The following RGS5 variants were observed in gnomAD, a reference collection of about 807,000 sequenced individuals.
The protein encoded by RGS5 is regulator of G protein signaling 5, also known as regulator of G-protein signalling 5.
Under a neutral mutation model 18.9 loss-of-function variants are expected in RGS5, and 20 were observed. That is an observed-to-expected ratio of 1.06 (90% CI 0.74 to 1.54). The LOEUF is 1.54. RGS5 is among the 40% of genes most tolerant of loss of function. The pLI is 0.00. For missense variants in RGS5, 201 were observed against 211.8 expected (o/e 0.95, Z 0.32); for synonymous variants, 57 against 76.2 (o/e 0.75, Z 1.31).
intron 2 of RGS5, chr1:163,244,731 G>C (rs1027211255): frequency 6.6e-6 from 1 of 152,140 alleles, no homozygotes; most frequent in Non-Finnish European, 1.5e-5. Context: ...CATGAAAGAA[G>C]GAAGACTTGT....
At chr1:163,197,887 T>A (rs1659629107) in intron 1 of RGS5, among the ~76,000 whole-genome samples, 2 of 152,170 alleles carry the variant, frequency 1.3e-5, no homozygotes, top group Admixed American at 1.3e-4. Flanking sequence ...TTGTTCAAGC[T>A]AATTGCCAGT....
chr1:163,285,578 T>C (rs1649122321), intron 2 of RGS5, among the ~76,000 whole-genome samples: 1 of 151,714 alleles, frequency 6.6e-6, no homozygotes, highest in Admixed American at 6.6e-5. Flanking sequence ...CAACAACAAA[T>C]ATATATATAA....
chr1:163,314,545 AAACAAC>A (rs555810232), intron 1 of RGS5, among the ~76,000 whole-genome samples: 26 of 151,730 alleles, frequency 1.7e-4, no homozygotes, highest in Admixed American at 9.2e-4. Context: ...CAACAAAACA[AAACAAC>A]AACAACAACA....
At position 163,225,923 on chromosome 1, in the gene RGS5, A is replaced by AT. The variant is rs113155202; in HGVS notation, c.-280-57556dup. On this transcript the variant is annotated intron_variant, in intron 2 of 5. Coordinates refer to the RGS5 transcript ENST00000618415. ...AGTTAGGAGGTCAAAATCACAAGTA[A>AT]TTTTTTTTTTTTTTGAGACAGAATT... Among the ~76,000 whole-genome samples, 744 of 147,934 alleles carry AT rather than the reference A, an allele frequency of 5.0e-3. 13 individuals are homozygous for AT. Among genetic ancestry groups the AT allele is most frequent in the Admixed American group, 0.045 (664 of 14,872 alleles).
At chr1:163,240,810 C>A (rs1647771441) in intron 2 of RGS5, among the ~76,000 whole-genome samples, 1 of 152,184 alleles carries the variant, frequency 6.6e-6, no homozygotes, top group South Asian at 2.1e-4. Context: ...AGCCACTGCA[C>A]CAGGCCAAAA....
At chr1:163,204,399 G>A (rs1416420618), upstream of RGS5, among the ~76,000 whole-genome samples, 1 of 151,942 alleles carries the variant, frequency 6.6e-6, no homozygotes, top group Non-Finnish European at 1.5e-5. Context: ...CCAGAGACTG[G>A]AGTGAAGTGG....
In RGS5 at chr1:163,217,545, CTG is replaced by C; in HGVS notation, c.48_49del (p.His16GlnfsTer11). 6.5e-7 allele frequency: 1 copy of C among 1,545,446 alleles called. No homozygotes were observed. The highest frequency in any genetic ancestry group is 8.7e-7 in the Non-Finnish European group (1 of 1,145,574). ...ACATACATTGATATGCCAATGAGCA[CTG>C]TGCATCTGTAAGATGAGAATATCCT... On this transcript the variant is annotated frameshift_variant, in exon 1 of 6. Transcript: ENST00000367903. LOFTEE classifies it high-confidence loss of function.
intron 1 of RGS5, among the ~76,000 whole-genome samples, chr1:163,216,982 A>C (rs1660232893): frequency 6.6e-6 from 1 of 152,180 alleles, no homozygotes; most frequent in African/African-American, 2.4e-5. Flanking sequence ...CTAATGCAGA[A>C]ACAGAAAACC....
intron 1 of RGS5, among the ~76,000 whole-genome samples, chr1:163,172,745 T>C (rs1432336509): frequency 9.9e-5 from 15 of 152,176 alleles, no homozygotes; most frequent in Non-Finnish European, 7.3e-5. Flanking sequence ...TAGGAGTTCA[T>C]TGTTCAGGGA....
chr1:163,289,897 TAGGTAAGCA>T (rs1440129210), intron 2 of RGS5, among the ~76,000 whole-genome samples: 1 of 152,072 alleles, frequency 6.6e-6, no homozygotes, highest in Non-Finnish European at 1.5e-5. Context: ...GCTGCAAGCA[TAGGTAAGCA>T]AGCTAAAAGC....
intron 2 of RGS5, among the ~76,000 whole-genome samples, chr1:163,276,706 C>T (rs1223536413): frequency 6.6e-6 from 1 of 152,126 alleles, no homozygotes; most frequent in Non-Finnish European, 1.5e-5. Flanking sequence ...CGTAAGCATC[C>T]CAACAAGGGA....
At chr1:163,264,409 C>T (rs1648526498) in intron 2 of RGS5, among the ~76,000 whole-genome samples, 1 of 152,102 alleles carries the variant, frequency 6.6e-6, no homozygotes, top group Non-Finnish European at 1.5e-5. Flanking sequence ...TAAGTGAAAT[C>T]ATATCTGTGA....
rs1657048247 is a variant in RGS5 at position 163,144,404 on chromosome 1, G to A, written c.*2938C>T. 1.3e-5 allele frequency: 2 copies of A among 152,122 alleles called. No individual in the cohort carries two copies. The highest frequency in any genetic ancestry group is 2.9e-5 in the Non-Finnish European group (2 of 68,006). The allele number at this position is 152,122 out of a possible 1,614,324, so 9.4% of individuals were successfully genotyped here. ...CCCTAAACTATATCAAACCCAGGCA[G>A]AAAAACTGAAGTTACAGGCAACTAC... On this transcript the variant is annotated 3_prime_UTR_variant, in exon 5 of 5. Coordinates refer to ENST00000313961, the MANE Select transcript of RGS5 (RefSeq NM_003617.4).
intron 1 of RGS5, among the ~76,000 whole-genome samples, chr1:163,208,867 G>A (rs1660030179): frequency 1.3e-5 from 2 of 151,872 alleles, no homozygotes; most frequent in South Asian, 2.1e-4. Flanking sequence ...CTCATTCTTA[G>A]TACAAGAAAG....
At chr1:163,205,478 T>C (rs1018943891), upstream of RGS5, among the ~76,000 whole-genome samples, 56 of 151,724 alleles carry the variant, frequency 3.7e-4, no homozygotes, top group African/African-American at 1.3e-3. Flanking sequence ...AGTAAATATA[T>C]GAAAAAGGTA....
chr1:163,159,479 G>A (rs1041022848), intron 3 of RGS5, among the ~76,000 whole-genome samples: 5 of 152,042 alleles, frequency 3.3e-5, no homozygotes, highest in East Asian at 1.9e-4. Flanking sequence ...CCCTCCATTC[G>A]GGGTCCCTGA....
At chr1:163,209,796 T>G (rs1571293711) in intron 1 of RGS5, among the ~76,000 whole-genome samples, 1 of 152,136 alleles carries the variant, frequency 6.6e-6, no homozygotes, top group African/African-American at 2.4e-5. Flanking sequence ...AAGAAAGAGA[T>G]AGTTTTCTTT....
At chr1:163,293,513 G>C (rs1649348049) in intron 2 of RGS5, among the ~76,000 whole-genome samples, 1 of 152,158 alleles carries the variant, frequency 6.6e-6, no homozygotes, top group South Asian at 2.1e-4. Flanking sequence ...TTGACACTTA[G>C]GGGTTAAAAT....
At chr1:163,241,615 C>G (rs1330783330) in intron 2 of RGS5, among the ~76,000 whole-genome samples, 1 of 148,464 alleles carries the variant, frequency 6.7e-6, no homozygotes, top group African/African-American at 2.5e-5. Context: ...GATTTCCAAA[C>G]CAGCTTAATT....
Sources: allele counts gnomAD v4.1 joint callset (sites outside exome capture counted in the v4.1 genomes callset), GRCh38; gene constraint gnomAD v4.1.1; transcripts MANE v1.5; gene names NCBI Gene and HGNC (gene_info 2026-07-23, HGNC 2026-07-21).